Variants in PREP observed in about 807,000 individuals in gnomAD.
PREP encodes prolyl endopeptidase, also known as dJ355L5.1 (prolyl endopeptidase).
PREP carries 29 observed loss-of-function variants against 87.6 expected under a neutral mutation model. The observed-to-expected ratio is 0.33, with a 90% CI of 0.25 to 0.45. PREP has a LOEUF of 0.45. Among genes scored for constraint, PREP ranks in the 20% least tolerant of loss-of-function variants. The pLI, the probability that PREP is intolerant of heterozygous loss-of-function variation, is 1.00. For missense variants in PREP, 695 were observed against 886.5 expected, an observed-to-expected ratio of 0.78 and a Z score of 2.74; for synonymous variants, 337 against 328.6, an observed-to-expected ratio of 1.03 and a Z score of -0.28.
intron 7 of PREP, among the ~76,000 whole-genome samples, chr6:105,342,379 A>G (rs927458289): frequency 6.6e-6 from 1 of 152,338 alleles, no homozygotes; most frequent in Admixed American, 6.5e-5. Flanking sequence ...GATGGGATGT[A>G]TCTCAAAATA....
chr6:105,306,949 C>CT (rs999909425), intron 10 of PREP, among the ~76,000 whole-genome samples: 1 of 152,154 alleles, frequency 6.6e-6, no homozygotes, highest in Non-Finnish European at 1.5e-5. Flanking sequence ...GACACCTTTG[C>CT]TTTTGTACAA....
chr6:105,299,086 T>C (rs1390524849), intron 10 of PREP, among the ~76,000 whole-genome samples: 2 of 152,202 alleles, frequency 1.3e-5, no homozygotes, highest in Non-Finnish European at 2.9e-5. Context: ...GATAGAGGGC[T>C]GAGAAGGGTA....
At chr6:105,398,429 C>G (rs1773341787) in intron 1 of PREP, among the ~76,000 whole-genome samples, 1 of 152,198 alleles carries the variant, frequency 6.6e-6, no homozygotes, top group Admixed American at 6.5e-5. Flanking sequence ...AAGCAAGTTA[C>G]TAATATGTAG....
At chr6:105,292,252 A>G (rs1770312259) in intron 10 of PREP, among the ~76,000 whole-genome samples, 1 of 152,188 alleles carries the variant, frequency 6.6e-6, no homozygotes, top group Admixed American at 6.5e-5. Context: ...AACGTATGGC[A>G]ACTACAGCCT....
rs1056707433 is a variant in PREP at position 105,307,786 on chromosome 6, T to C, written c.1317+15879A>G. ...CACTACCATGCCCAGCTAATTTTTG[T>C]ATTCTTAGTAGAGACAGAGTTTTTC... On this transcript the variant is annotated intron_variant, in intron 10 of 14. Coordinates refer to ENST00000652536, the MANE Select transcript of PREP (RefSeq NM_002726.5). Among the ~76,000 whole-genome samples the C allele has an allele frequency of 1.4e-4, 22 of 152,072 alleles. 1 individual carries two copies. The highest frequency in any genetic ancestry group is 5.1e-4 in the African/African-American group (21 of 41,400).
chr6:105,392,587 GTTTTTT>G (rs909931190), intron 2 of PREP, among the ~76,000 whole-genome samples: 1 of 151,508 alleles, frequency 6.6e-6, no homozygotes, highest in African/African-American at 2.4e-5. Flanking sequence ...GTTTTTGTTT[GTTTTTT>G]TGAGACAGAG....
intron 6 of PREP, among the ~76,000 whole-genome samples, chr6:105,355,101 T>TC (rs1772059854): frequency 6.6e-6 from 1 of 151,084 alleles, no homozygotes; most frequent in African/African-American, 2.4e-5. Context: ...AGTTTTTTTT[T>TC]TTTTTTTTGA....
chr6:105,362,542 CAA>C (rs933117744), intron 6 of PREP, among the ~76,000 whole-genome samples: 8 of 152,176 alleles, frequency 5.3e-5, no homozygotes, highest in Non-Finnish European at 1.0e-4. Flanking sequence ...GATTGATCAA[CAA>C]ATCCAACATG....
intron 14 of PREP, among the ~76,000 whole-genome samples, chr6:105,280,095 G>A (rs957297674): frequency 6.6e-6 from 1 of 152,180 alleles, no homozygotes; most frequent in Non-Finnish European, 1.5e-5. Flanking sequence ...ATTTCAAACT[G>A]GAGAGGCTAG....
rs142166577 is a variant in PREP, at chr6:105,275,033, CCT to C, written c.*3109_*3110del. Among the ~76,000 whole-genome samples, 3,105 of 152,218 alleles carry C rather than the reference CCT, an allele frequency of 0.02. 112 individuals are homozygous for C. The highest frequency in any genetic ancestry group is 0.072 in the African/African-American group (3,002 of 41,532). ...ACATTTTCTCTCTGCACCTTCAGCC[CCT>C]GAGATATGGAGGATGAGAATGGCTC... On this transcript the variant is annotated 3_prime_UTR_variant, in exon 15 of 15. Coordinates refer to ENST00000652536, the MANE Select transcript of PREP (RefSeq NM_002726.5).
At chr6:105,345,822 C>G (rs764093741) in intron 7 of PREP, among the ~76,000 whole-genome samples, 3 of 152,152 alleles carry the variant, frequency 2.0e-5, no homozygotes, top group Non-Finnish European at 4.4e-5. Context: ...GATAATAATC[C>G]GTGCTCCTCG....
intron 7 of PREP, among the ~76,000 whole-genome samples, chr6:105,346,746 C>T (rs530092128): frequency 5.3e-5 from 8 of 152,272 alleles, no homozygotes; most frequent in Admixed American, 4.6e-4. Flanking sequence ...TTCAGACTTA[C>T]GGTTCTTTTT....
intron 14 of PREP, chr6:105,281,501 C>G (rs1218526162): frequency 1.0e-5 from 4 of 399,678 alleles, no homozygotes; most frequent in African/African-American, 8.1e-5. Context: ...TTTGAATAAC[C>G]AGGGTAGGAA....
rs925796110 is a variant in PREP at position 105,296,409 on chromosome 6, G to A, written c.1318-7515C>T. On this transcript the variant is annotated intron_variant, in intron 10 of 14. Coordinates refer to ENST00000652536, the MANE Select transcript of PREP (RefSeq NM_002726.5). ...AGTTTTTTTTTTTAACTTTCTCTGT[G>A]GTGTCTTGAGGTGCAAGAAGGTGTT... Among the ~76,000 whole-genome samples, 16 of 150,430 alleles carry A rather than the reference G, an allele frequency of 1.1e-4. No individual in the cohort carries two copies. The South Asian group carries it at 1.5e-3, about 14-fold the overall frequency.
intron 5 of PREP, among the ~76,000 whole-genome samples, chr6:105,372,497 T>C (rs1254187337): frequency 2.0e-5 from 3 of 152,108 alleles, no homozygotes; most frequent in Non-Finnish European, 4.4e-5. Context: ...ACCAGTAAGG[T>C]ACAAGGTACA....
chr6:105,359,834 T>G (rs1001616460), intron 6 of PREP, among the ~76,000 whole-genome samples: 23 of 152,196 alleles, frequency 1.5e-4, no homozygotes, highest in African/African-American at 5.5e-4. Context: ...TGAGGGTTCC[T>G]GTAGGATTGT....
At chr6:105,325,295 C>T (rs559117117) in intron 9 of PREP, among the ~76,000 whole-genome samples, 8 of 152,188 alleles carry the variant, frequency 5.3e-5, no homozygotes, top group East Asian at 1.9e-4. Context: ...GGCATCACCA[C>T]GACCTGTAGT....
At position 105,368,999 on chromosome 6, in the gene PREP, G is replaced by C; in HGVS notation, c.621C>G (p.His207Gln). 1 of 1,613,884 alleles carries C rather than the reference G, an allele frequency of 6.2e-7. No individual in the cohort carries two copies. The highest frequency in any genetic ancestry group is 8.5e-7 in the Non-Finnish European group (1 of 1,179,858). Residue 207 changes from histidine (H) to glutamine (Q), a missense_variant, in exon 6 of 15, where the codon CAC (histidine) becomes CAG (glutamine). Coordinates refer to ENST00000652536, the MANE Select transcript of PREP (RefSeq NM_002726.5). ...SDGTETSTNL[H>Q]QKLYYHVLGT... ...CCAAGACATGGTAGTAGAGCTTTTG[G>C]TGGAGATTGGTAGATGTCTCTGTGC...
At chr6:105,303,989 C>T (rs982991831) in intron 10 of PREP, among the ~76,000 whole-genome samples, 1 of 152,168 alleles carries the variant, frequency 6.6e-6, no homozygotes, top group Non-Finnish European at 1.5e-5. Flanking sequence ...AACAAGCAAG[C>T]ACTAGTCTAA....
Sources: gnomAD v4.1 joint callset for allele counts (sites outside exome capture counted in the v4.1 genomes callset) on GRCh38, gnomAD v4.1.1 for gene constraint, MANE v1.5 for transcripts, NCBI Gene and HGNC (gene_info 2026-07-23, HGNC 2026-07-21) for gene names.